RALGPS1: variants seen among roughly 807,000 people sequenced by gnomAD.
The protein encoded by RALGPS1 is Ral GEF with PH domain and SH3 binding motif 1.
In RALGPS1, 19 loss-of-function variants were observed where a neutral mutation model predicts 78.8. The ratio of observed to expected loss-of-function variants is 0.24; its 90% CI spans 0.17 to 0.35. The LOEUF (loss-of-function observed/expected upper bound fraction) is 0.35. RALGPS1 is among the 10% of genes least tolerant of loss of function. The pLI, the probability that RALGPS1 is intolerant of heterozygous loss-of-function variation, is 1.00. For missense variants in RALGPS1, 454 were observed against 688.3 expected, an observed-to-expected ratio of 0.66 and a Z score of 3.81; for synonymous variants, 228 against 256.3, an observed-to-expected ratio of 0.89 and a Z score of 1.06.
chr9:126,984,781 GT>G (rs1178987917), intron 4 of RALGPS1, among the ~76,000 whole-genome samples: 1 of 152,158 alleles, frequency 6.6e-6, no homozygotes, highest in African/African-American at 2.4e-5. Flanking sequence ...GATCCCCAGG[GT>G]TATGTTGTAT....
intron 4 of RALGPS1, among the ~76,000 whole-genome samples, chr9:126,985,208 A>G (rs1033336728): frequency 1.6e-4 from 24 of 152,082 alleles, no homozygotes; most frequent in African/African-American, 5.3e-4. Context: ...TTCCTTTTCC[A>G]TGATGTATCG....
intron 8 of RALGPS1, among the ~76,000 whole-genome samples, chr9:127,101,991 C>T (rs1400304961): frequency 2.0e-5 from 3 of 152,060 alleles, no homozygotes; most frequent in Admixed American, 1.3e-4. Context: ...TGAGGACCAT[C>T]AGGCTTATTT....
intron 4 of RALGPS1, among the ~76,000 whole-genome samples, chr9:127,005,807 C>A (rs540593949): frequency 1.3e-5 from 2 of 152,246 alleles, no homozygotes; most frequent in African/African-American, 4.8e-5. Context: ...TTCAATTCAC[C>A]ATTATAGATG....
At chr9:127,097,140 A>G (rs2053220020) in intron 8 of RALGPS1, among the ~76,000 whole-genome samples, 1 of 152,206 alleles carries the variant, frequency 6.6e-6, no homozygotes, top group Non-Finnish European at 1.5e-5. Flanking sequence ...AAAAATTTAC[A>G]GTTCTTTGTC....
rs764280405 is a variant in RALGPS1 at position 127,166,127 on chromosome 9, C to G, written c.669C>G (p.Ile223Met). 6.2e-7 allele frequency: 1 copy of G among 1,613,424 alleles called. No individual in the cohort carries two copies. ...CTGCATATCCTGCCTCAGGCAGTAT[C>G]ATGGAAAATGAACAAAGATCCAATC... ...IDSAYPASGSIMENEQRSNQM... is the reference protein window; with the variant it reads ...IDSAYPASGSMMENEQRSNQM... Residue 223 changes from isoleucine (I) to methionine (M), a missense_variant, in exon 9 of 19, where the codon ATC (isoleucine) becomes ATG (methionine). Ile to Met is a conservative substitution (Grantham distance 10). Coordinates refer to ENST00000259351, the MANE Select transcript of RALGPS1 (RefSeq NM_014636.3).
intron 8 of RALGPS1, among the ~76,000 whole-genome samples, chr9:127,105,252 T>C (rs1589500774): frequency 6.6e-6 from 1 of 152,238 alleles, no homozygotes; most frequent in East Asian, 1.9e-4. Context: ...ATTCCAGTTA[T>C]CTCTGTGATG....
intron 8 of RALGPS1, among the ~76,000 whole-genome samples, chr9:127,161,533 G>T (rs552724114): frequency 1.1e-4 from 16 of 152,300 alleles, no homozygotes; most frequent in African/African-American, 3.4e-4. Context: ...GGAAGGACCC[G>T]CAGGACTGGG....
intron 11 of RALGPS1, among the ~76,000 whole-genome samples, chr9:127,180,488 A>G (rs920382232): frequency 1.3e-5 from 2 of 152,250 alleles, no homozygotes; most frequent in African/African-American, 4.8e-5. Flanking sequence ...CCCTTGGGTC[A>G]TTGGTTTGAT....
chr9:127,108,379 C>T, intron 8 of RALGPS1: 1 of 1,610,070 alleles, frequency 6.2e-7, no homozygotes, highest in Non-Finnish European at 8.5e-7. Flanking sequence ...CTTCACCTCG[C>T]TCACAATGCC....
At chr9:126,970,901 CTG>C (rs2040047505) in intron 3 of RALGPS1, among the ~76,000 whole-genome samples, 1 of 152,214 alleles carries the variant, frequency 6.6e-6, no homozygotes, top group Non-Finnish European at 1.5e-5. Context: ...AAACCTGTAA[CTG>C]TTTATTTTTA....
intron 7 of RALGPS1, among the ~76,000 whole-genome samples, chr9:127,066,161 C>G (rs558678789): frequency 6.6e-6 from 1 of 152,206 alleles, no homozygotes; most frequent in Admixed American, 6.5e-5. Context: ...TGGGCAGTCC[C>G]CCAGCTGAGA....
At chr9:126,992,060 G>C (rs943847512) in intron 4 of RALGPS1, among the ~76,000 whole-genome samples, 1 of 152,192 alleles carries the variant, frequency 6.6e-6, no homozygotes, top group Non-Finnish European at 1.5e-5. Flanking sequence ...CAGGTGTGTA[G>C]AAAAGCATTT....
At position 127,033,856 on chromosome 9, in the gene RALGPS1, G is replaced by C. The variant is rs72764358; in HGVS notation, c.217-575G>C. Among the ~76,000 whole-genome samples the C allele has an allele frequency of 3.3e-3, 510 of 152,310 alleles. 2 individuals are homozygous for C. The highest frequency in any genetic ancestry group is 5.5e-3 in the Non-Finnish European group (371 of 68,016). ...GTGGAAAAAAAGAGACAAGGCCTCT[G>C]AACAAGATATTAAAGGGGACCTTTC... On this transcript the variant is annotated intron_variant, in intron 4 of 18. Coordinates refer to ENST00000259351, the MANE Select transcript of RALGPS1 (RefSeq NM_014636.3).
At position 127,036,520 on chromosome 9, in the gene RALGPS1, A is replaced by G. The variant is rs186448900; in HGVS notation, c.300+2006A>G. Among the ~76,000 whole-genome samples the G allele has an allele frequency of 7.2e-5, 11 of 152,362 alleles. No individual in the cohort carries two copies. In the East Asian group the frequency reaches 2.1e-3, roughly 29 times the overall value. On this transcript the variant is annotated intron_variant, in intron 5 of 18. Coordinates refer to ENST00000259351, the MANE Select transcript of RALGPS1 (RefSeq NM_014636.3). ...AGCTTTAGCACAATGTCTGGCATGT[A>G]GTAAGCATCCAAATGTTTTGGGAGA... is the stretch of plus-strand genomic sequence containing the variant.
chr9:127,087,962 G>A (rs1052607360), intron 8 of RALGPS1: 1 of 152,600 alleles, frequency 6.6e-6, no homozygotes, highest in Admixed American at 6.5e-5. Context: ...TTATCTATAC[G>A]GCCGGTGGAG....
intron 14 of RALGPS1, among the ~76,000 whole-genome samples, chr9:127,203,884 T>C (rs749018931): frequency 6.6e-6 from 1 of 152,172 alleles, no homozygotes; most frequent in Non-Finnish European, 1.5e-5. Context: ...CTGTGAATCA[T>C]GCACCAGGCT....
intron 4 of RALGPS1, among the ~76,000 whole-genome samples, chr9:127,023,578 C>T (rs2045671739): frequency 6.6e-6 from 1 of 152,180 alleles, no homozygotes; most frequent in Non-Finnish European, 1.5e-5. Context: ...GAGTTCCCCT[C>T]CAGCCATGAG....
At chr9:126,949,573 G>C (rs1469051657) in intron 1 of RALGPS1, among the ~76,000 whole-genome samples, 4 of 152,206 alleles carry the variant, frequency 2.6e-5, no homozygotes, top group Non-Finnish European at 4.4e-5. Flanking sequence ...GTGATGATGA[G>C]CATTTTTTCA....
At chr9:127,174,246 G>C (rs1443576778) in intron 10 of RALGPS1, among the ~76,000 whole-genome samples, 1 of 145,534 alleles carries the variant, frequency 6.9e-6, no homozygotes, top group African/African-American at 2.5e-5. Flanking sequence ...GAGAGAGAGA[G>C]AGAAAAGAAA....
Sources: gnomAD v4.1 joint callset for allele counts (sites outside exome capture counted in the v4.1 genomes callset) on GRCh38, gnomAD v4.1.1 for gene constraint, MANE v1.5 for transcripts, NCBI Gene and HGNC (gene_info 2026-07-23, HGNC 2026-07-21) for gene names.